RELL1: variants seen among roughly 807,000 people sequenced by gnomAD.
RELL1 encodes the protein RELT-like protein 1.
Under a neutral mutation model 23.0 loss-of-function variants are expected in RELL1, and 10 were observed. The observed-to-expected ratio is 0.43, with a 90% CI of 0.27 to 0.74. The LOEUF (loss-of-function observed/expected upper bound fraction) is 0.74. Ranked by LOEUF, RELL1 falls within the 30% of genes least tolerant of loss-of-function variation. The pLI is 0.19. For missense variants in RELL1, 315 were observed against 364.4 expected, an observed-to-expected ratio of 0.86 and a Z score of 1.10; for synonymous variants, 146 against 146.8, an observed-to-expected ratio of 0.99 and a Z score of 0.04.
downstream of RELL1, among the ~76,000 whole-genome samples, chr4:37,586,828 T>C (rs1193236278): frequency 1.3e-5 from 2 of 152,148 alleles, no homozygotes; most frequent in African/African-American, 4.8e-5. Flanking sequence ...GAGAATCACT[T>C]GAACCAGGGA....
At chr4:37,649,224 A>G in intron 2 of RELL1, 52 bp downstream of exon 2, 3 of 1,404,518 alleles carry the variant, frequency 2.1e-6, no homozygotes, top group Non-Finnish European at 1.0e-6. Context: ...CACTGGTTTC[A>G]TATTTAAAAA....
chr4:37,595,173 C>G (rs1265121825), intron 6 of RELL1, among the ~76,000 whole-genome samples: 5 of 152,148 alleles, frequency 3.3e-5, no homozygotes, highest in Non-Finnish European at 7.4e-5. Flanking sequence ...TCCCTGTTAA[C>G]TAATAGAACA....
intron 6 of RELL1, among the ~76,000 whole-genome samples, chr4:37,592,221 A>G (rs1718649688): frequency 6.6e-6 from 1 of 151,222 alleles, no homozygotes; most frequent in Non-Finnish European, 1.5e-5. Flanking sequence ...AAAAAAAAAA[A>G]AAAAAAAGAG....
chr4:37,681,492 T>G (rs1722219230), intron 1 of RELL1, among the ~76,000 whole-genome samples: 2 of 149,806 alleles, frequency 1.3e-5, no homozygotes, highest in African/African-American at 4.9e-5. Context: ...CAGAACCATA[T>G]GCTGCAGGCA....
rs373334668 is a variant in RELL1, at chr4:37,646,042, T to C, written c.385+1326A>G. Among the ~76,000 whole-genome samples, 12 of 152,294 alleles carry C rather than the reference T, an allele frequency of 7.9e-5. No individual in the cohort carries two copies. In the East Asian group the frequency reaches 2.3e-3, roughly 29 times the overall value. ...TCAACCTTTAGACAAATGGCTCAGC[T>C]CTATCAGGCTGAGCTCTATCAGTCC... On this transcript the variant is annotated intron_variant, in intron 3 of 6. Transcript: ENST00000454158.
chr4:37,641,031 T>C (rs1720514786), intron 3 of RELL1, among the ~76,000 whole-genome samples: 1 of 152,170 alleles, frequency 6.6e-6, no homozygotes, highest in African/African-American at 2.4e-5. Flanking sequence ...TGACCACCTA[T>C]AAAATGAAAG....
At chr4:37,595,491 A>T (rs1384065720) in intron 6 of RELL1, among the ~76,000 whole-genome samples, 2 of 151,830 alleles carry the variant, frequency 1.3e-5, no homozygotes, top group African/African-American at 4.8e-5. Context: ...AAGAATACAT[A>T]AAAGAAGTCT....
intron 1 of RELL1, among the ~76,000 whole-genome samples, chr4:37,678,565 G>A (rs1166894200): frequency 4.6e-5 from 7 of 152,160 alleles, no homozygotes; most frequent in African/African-American, 1.7e-4. Context: ...CAGGGCTCAG[G>A]AGCAACAGGT....
chr4:37,671,862 CG>C (rs1316726873), intron 1 of RELL1, among the ~76,000 whole-genome samples: 1 of 152,040 alleles, frequency 6.6e-6, no homozygotes, highest in African/African-American at 2.4e-5. Flanking sequence ...GGGTCAAGAT[CG>C]GGACTCTTTT....
chr4:37,616,286 A>G lies in RELL1; in HGVS notation c.*4-2944T>C, dbSNP rs573973532. Among the ~76,000 whole-genome samples the G allele has an allele frequency of 1.5e-4, 23 of 152,288 alleles. 1 individual carries two copies. In the South Asian group the frequency reaches 4.6e-3, roughly 30 times the overall value. ...TCAATAATTTACCAAAGGCCACACA[A>G]TTAGTAACGGGAAAGTAGGAAATCC... On this transcript the variant is annotated intron_variant, in intron 6 of 6. Coordinates refer to ENST00000454158, the MANE Select transcript of RELL1 (RefSeq NM_001085400.2).
rs542660044 is a variant in RELL1 at position 37,686,159 on chromosome 4, G to C, written c.88+41C>G. The C allele has an allele frequency of 6.6e-6, 10 of 1,518,374 alleles. No homozygotes were observed. In the African/African-American group the frequency reaches 8.5e-5, roughly 13 times the overall value. 94.1% of individuals were successfully genotyped at this position (1,518,374 alleles called of 1,614,324 possible). On this transcript the variant is annotated intron_variant, in intron 1 of 6. Transcript: ENST00000454158. ...CGCTTCCTTCCGCGCTCCCGGGACCGGGCTCAGCACCCGGCGCCCCGGCTA... is the reference window on the plus strand; with the variant it reads ...CGCTTCCTTCCGCGCTCCCGGGACCCGGCTCAGCACCCGGCGCCCCGGCTA...
At chr4:37,641,080 T>G (rs1031434928) in intron 3 of RELL1, among the ~76,000 whole-genome samples, 7 of 152,226 alleles carry the variant, frequency 4.6e-5, no homozygotes, top group Non-Finnish European at 1.0e-4. Flanking sequence ...TAAGATATAT[T>G]AAAATCATTA....
chr4:37,649,064 C>T (rs567740474), intron 2 of RELL1, among the ~76,000 whole-genome samples: 1 of 152,330 alleles, frequency 6.6e-6, no homozygotes, highest in South Asian at 2.1e-4. Flanking sequence ...GGCCACAGGG[C>T]AAGAAAGGGT....
chr4:37,650,273 A>T (rs1013505815), intron 1 of RELL1, among the ~76,000 whole-genome samples: 1 of 152,210 alleles, frequency 6.6e-6, no homozygotes, highest in Non-Finnish European at 1.5e-5. Context: ...AAGAGGGAAA[A>T]GTCAGGGATA....
intron 6 of RELL1, among the ~76,000 whole-genome samples, chr4:37,603,110 C>A (rs1719057993): frequency 6.6e-6 from 1 of 152,200 alleles, no homozygotes; most frequent in Non-Finnish European, 1.5e-5. Context: ...ATCACGAGTA[C>A]TTTCTGCAAC....
In RELL1 at chr4:37,686,373, G is replaced by C. The variant is rs1012810361; in HGVS notation, c.-86C>G. The C allele has an allele frequency of 1.2e-5, 13 of 1,091,254 alleles. No homozygotes were observed. The highest frequency in any genetic ancestry group is 6.0e-4 in the Middle Eastern group (2 of 3,340). The allele number at this position is 1,091,254 out of a possible 1,614,324, so 67.6% of individuals were successfully genotyped here. A position where few individuals can be genotyped will look rare whatever the true frequency, so the allele number is the denominator to read the frequency against. Reference sequence around the variant, plus strand: ...CCGCTCCGGAGCCGGCGGGCTGATCGAGTGGCTGGGCTGGGCCCCAGGGAG... The same window carrying C: ...CCGCTCCGGAGCCGGCGGGCTGATCCAGTGGCTGGGCTGGGCCCCAGGGAG... On this transcript the variant is annotated 5_prime_UTR_variant, in exon 1 of 7. Coordinates refer to ENST00000454158, the MANE Select transcript of RELL1 (RefSeq NM_001085400.2).
chr4:37,588,969 A>G, downstream of RELL1: 2 of 1,151,644 alleles, frequency 1.7e-6, no homozygotes, highest in Non-Finnish European at 2.6e-6. Context: ...TTTAAAGACC[A>G]TGCGTGTATT....
At chr4:37,661,425 G>A (rs764358110) in intron 1 of RELL1, among the ~76,000 whole-genome samples, 44 of 152,016 alleles carry the variant, frequency 2.9e-4, no homozygotes, top group Admixed American at 9.2e-4. Flanking sequence ...GATTACAGGC[G>A]CACGCTGCCA....
chr4:37,681,514 TTC>T, intron 1 of RELL1, among the ~76,000 whole-genome samples: 1 of 138,084 alleles, frequency 7.2e-6, no homozygotes, highest in Non-Finnish European at 1.5e-5. Context: ...CAGGGTCTCC[TTC>T]TGTTTTTTTT....
Sources: allele counts gnomAD v4.1 joint callset (sites outside exome capture counted in the v4.1 genomes callset), GRCh38; gene constraint gnomAD v4.1.1; transcripts MANE v1.5; gene names NCBI Gene and HGNC (gene_info 2026-07-23, HGNC 2026-07-21).